SLC35D1: variants seen among roughly 807,000 people sequenced by gnomAD.
The protein encoded by SLC35D1 is solute carrier family 35 member D1, also known as nucleotide sugar transporter SLC35D1.
A neutral mutation model predicts 46.7 loss-of-function variants in SLC35D1; 31 were observed. That is an observed-to-expected ratio of 0.66 (90% CI 0.50 to 0.90). The LOEUF (loss-of-function observed/expected upper bound fraction) is 0.90, where lower values mean the gene tolerates loss of function less well. SLC35D1 is among the 40% of genes least tolerant of loss of function. The pLI, the probability that SLC35D1 is intolerant of heterozygous loss-of-function variation, is 0.00. For synonymous variants in SLC35D1, 195 were observed against 164.6 expected (o/e 1.18, Z -1.41); for missense variants, 397 against 426.2 (o/e 0.93, Z 0.60).
rs1457657761 is a variant in SLC35D1, at chr1:67,053,922, A to C, written c.92T>G (p.Met31Arg). 1.9e-6 allele frequency: 3 copies of C among 1,613,766 alleles called. No homozygotes were observed. Among genetic ancestry groups the C allele is most frequent in the South Asian group, 2.2e-5 (2 of 91,070 alleles). The change falls in exon 1 of 12, where the codon ATG becomes AGG. Residue 31 changes from methionine to arginine, a missense_variant. By Grantham distance (91) the Met-to-Arg change is moderately conservative. Transcript: ENST00000235345. ...CACGGTCAGCGTTTCGGCCGACGCC[A>C]TCCCCAGCTCCTCCTCATCTCGGAG... Reference protein sequence around the residue: ...STLRDEEELGMASAETLTVFL... With the variant: ...STLRDEEELGRASAETLTVFL...
At chr1:67,039,843 C>G (rs2102339021) in intron 8 of SLC35D1, among the ~76,000 whole-genome samples, 1 of 152,174 alleles carries the variant, frequency 6.6e-6, no homozygotes, top group Admixed American at 6.5e-5. Flanking sequence ...AAGGGCTGTA[C>G]CTAGAGACTC....
intron 8 of SLC35D1, 59 bp downstream of exon 8, chr1:67,042,177 C>T (rs1645193955): frequency 7.0e-7 from 1 of 1,434,016 alleles, no homozygotes; most frequent in African/African-American, 1.4e-5. Flanking sequence ...ATCTTTTCAT[C>T]ATAAATAATA....
intron 8 of SLC35D1, among the ~76,000 whole-genome samples, chr1:67,034,497 G>A (rs1005209260): frequency 6.6e-6 from 1 of 151,962 alleles, no homozygotes; most frequent in South Asian, 2.1e-4. Context: ...CAAATCGTTT[G>A]CTATAGCCAT....
chr1:66,985,206 C>A, the SLC35D1 span: 183 of 975,150 alleles, frequency 1.9e-4, no homozygotes, highest in Non-Finnish European at 2.1e-4. Flanking sequence ...TCTGAATGAA[C>A]TAAAGATGTA....
At chr1:67,020,232 C>A (rs541163227) in intron 10 of SLC35D1, 137 bp downstream of exon 10, 11 of 669,182 alleles carry the variant, frequency 1.6e-5, no homozygotes, top group Non-Finnish European at 3.0e-5. Context: ...CAGAAACTAT[C>A]ACCACAATTT....
At chr1:67,018,909 C>T (rs1667739264) in intron 10 of SLC35D1, among the ~76,000 whole-genome samples, 1 of 152,260 alleles carries the variant, frequency 6.6e-6, no homozygotes, top group Admixed American at 6.5e-5. Context: ...ACAGTGATAC[C>T]CTGCACCAGT....
chr1:66,991,216 T>G, the SLC35D1 span, among the ~76,000 whole-genome samples: 2 of 152,354 alleles, frequency 1.3e-5, no homozygotes, highest in East Asian at 3.9e-4. Flanking sequence ...CTTTTCTTTC[T>G]TCAAAGGGTT....
chr1:67,043,698 A>T (rs2102350634), intron 7 of SLC35D1, among the ~76,000 whole-genome samples: 1 of 152,316 alleles, frequency 6.6e-6, no homozygotes. Context: ...GAAGATTAAG[A>T]TTACTATAAC....
intron 10 of SLC35D1, among the ~76,000 whole-genome samples, chr1:67,010,787 A>C (rs1447298753): frequency 6.6e-6 from 1 of 152,208 alleles, no homozygotes; most frequent in Non-Finnish European, 1.5e-5. Flanking sequence ...GGAAATCAAA[A>C]AATTTTACCC....
At chr1:67,044,766 A>G (rs910855660) in intron 7 of SLC35D1, among the ~76,000 whole-genome samples, 94 of 152,374 alleles carry the variant, frequency 6.2e-4, no homozygotes, top group Non-Finnish European at 8.5e-4. Flanking sequence ...TCTTTATGCC[A>G]TATGACTCAT....
downstream of SLC35D1, among the ~76,000 whole-genome samples, chr1:66,994,442 G>A (rs141539316): frequency 1.4e-3 from 215 of 152,146 alleles, no homozygotes; most frequent in African/African-American, 4.7e-3. Flanking sequence ...TCAGGAGTTC[G>A]AGACCAGCCT....
the SLC35D1 span, among the ~76,000 whole-genome samples, chr1:66,976,292 G>A: frequency 2.6e-5 from 4 of 152,044 alleles, no homozygotes; most frequent in Non-Finnish European, 4.4e-5. Context: ...GTGAGCCACC[G>A]TGCCCGGCCA....
At chr1:67,042,841 A>G (rs1645208167) in intron 7 of SLC35D1, among the ~76,000 whole-genome samples, 1 of 152,196 alleles carries the variant, frequency 6.6e-6, no homozygotes, top group South Asian at 2.1e-4. Context: ...AGGCGGACAG[A>G]TTGCTTGAGC....
At chr1:67,033,955 G>C (rs979489149) in intron 8 of SLC35D1, among the ~76,000 whole-genome samples, 3 of 152,272 alleles carry the variant, frequency 2.0e-5, no homozygotes, top group Non-Finnish European at 2.9e-5. Context: ...CTTCCCCAGT[G>C]TATGTTCTTG....
chr1:66,994,059 C>A, the SLC35D1 span, among the ~76,000 whole-genome samples: 2 of 151,388 alleles, frequency 1.3e-5, no homozygotes, highest in Non-Finnish European at 2.9e-5. Context: ...TCAAAATCAG[C>A]TTTAAAAACA....
chr1:66,978,360 G>A, the SLC35D1 span, among the ~76,000 whole-genome samples: 18,230 of 152,148 alleles, frequency 0.12, 1,271 homozygotes, highest in Non-Finnish European at 0.15. Flanking sequence ...CAATCTGAAA[G>A]AGAATAAATG....
At chr1:67,050,007 A>T (rs1458895597) in intron 5 of SLC35D1, among the ~76,000 whole-genome samples, 157 bp from the exon 6 acceptor site, 1 of 152,246 alleles carries the variant, frequency 6.6e-6, no homozygotes, top group Non-Finnish European at 1.5e-5. Context: ...CCTTTGATAA[A>T]GCAAAAATTT....
intron 4 of SLC35D1, 101 bp downstream of exon 4, chr1:67,051,911 T>C (rs1344333199): frequency 1.2e-6 from 1 of 863,804 alleles, no homozygotes; most frequent in Non-Finnish European, 1.9e-6. Flanking sequence ...TCCTTTCATT[T>C]TTTTCCAGAA....
At chr1:67,031,970 T>C in intron 8 of SLC35D1, 1 of 766,678 alleles carries the variant, frequency 1.3e-6, no homozygotes, top group Non-Finnish European at 1.6e-6. Flanking sequence ...GAAACAAAAC[T>C]TCTGCTTCTA....
Sources: allele counts gnomAD v4.1 joint callset (sites outside exome capture counted in the v4.1 genomes callset), GRCh38; gene constraint gnomAD v4.1.1; transcripts MANE v1.5; gene names NCBI Gene and HGNC (gene_info 2026-07-23, HGNC 2026-07-21).